Variants in CWH43 observed in about 807,000 individuals in gnomAD.
CWH43 encodes cell wall biogenesis 43 C-terminal homolog.
A neutral mutation model predicts 85.7 loss-of-function variants in CWH43; 91 were observed. The ratio of observed to expected loss-of-function variants is 1.06; its 90% confidence interval spans 0.90 to 1.26. The LOEUF is 1.26. Among genes scored for constraint, CWH43 ranks in the 50% most tolerant of loss-of-function variants. The pLI is 0.00. For synonymous variants in CWH43, 323 were observed against 293.6 expected (o/e 1.10, Z -1.02); for missense variants, 869 against 839.2 (o/e 1.04, Z -0.44).
chr4:48,995,259 T>C (rs914348800), intron 5 of CWH43, among the ~76,000 whole-genome samples: 8 of 152,192 alleles, frequency 5.3e-5, no homozygotes, highest in East Asian at 1.9e-4. Flanking sequence ...AGATCTCTAT[T>C]CTCAGCAAAG....
intron 11 of CWH43, 91 bp downstream of exon 11, chr4:49,031,051 T>C (rs551436875): frequency 8.1e-7 from 1 of 1,231,624 alleles, no homozygotes; most frequent in South Asian, 1.8e-5. Flanking sequence ...GTAATATCTT[T>C]GGTGAATGTG....
intron 13 of CWH43, among the ~76,000 whole-genome samples, chr4:49,039,637 T>A (rs1784393996): frequency 6.6e-6 from 1 of 151,456 alleles, no homozygotes; most frequent in East Asian, 1.9e-4. Flanking sequence ...GGTGTAACAT[T>A]ATTTACAGAG....
intron 11 of CWH43, among the ~76,000 whole-genome samples, chr4:49,031,511 T>TG (rs33939243): frequency 6.6e-6 from 1 of 151,738 alleles, no homozygotes; most frequent in Non-Finnish European, 1.5e-5. Flanking sequence ...GCCTGGAGCA[T>TG]GGGGGGCCAA....
intron 14 of CWH43, 145 bp from the exon 15 acceptor site, chr4:49,050,549 A>C: frequency 1.9e-6 from 1 of 523,412 alleles, no homozygotes; most frequent in East Asian, 3.1e-5. Flanking sequence ...ATTTAGATTA[A>C]CAATTTAAGT....
At chr4:49,004,639 C>G (rs1042782949) in intron 7 of CWH43, among the ~76,000 whole-genome samples, 3 of 152,156 alleles carry the variant, frequency 2.0e-5, no homozygotes, top group African/African-American at 7.2e-5. Context: ...ATCCTCCTGC[C>G]TTGGCTTCCC....
At chr4:49,004,789 G>T (rs1783104062) in intron 7 of CWH43, among the ~76,000 whole-genome samples, 1 of 152,100 alleles carries the variant, frequency 6.6e-6, no homozygotes, top group Non-Finnish European at 1.5e-5. Flanking sequence ...TACCATTTTA[G>T]TGGTTATGAA....
chr4:49,050,147 C>T (rs73246070), intron 14 of CWH43, among the ~76,000 whole-genome samples: 1,529 of 152,218 alleles, frequency 0.01, 10 homozygotes, highest in Middle Eastern at 0.02. Context: ...GTTCATGGTT[C>T]CCCGTGTTTT....
chr4:49,051,470 T>G (rs745532777), intron 15 of CWH43, among the ~76,000 whole-genome samples: 16 of 152,306 alleles, frequency 1.1e-4, no homozygotes, highest in Admixed American at 3.3e-4. Flanking sequence ...ATCTGGGCTG[T>G]GGAATTTAAA....
chr4:48,987,635 T>A (rs1180541112), intron 1 of CWH43, among the ~76,000 whole-genome samples: 1 of 152,218 alleles, frequency 6.6e-6, no homozygotes, highest in East Asian at 1.9e-4. Context: ...GTATAAGGAA[T>A]GAGACAGATG....
At chr4:49,007,602 C>G (rs981414170) in intron 8 of CWH43, among the ~76,000 whole-genome samples, 1 of 152,000 alleles carries the variant, frequency 6.6e-6, no homozygotes, top group Non-Finnish European at 1.5e-5. Flanking sequence ...ATTAGGTATT[C>G]CTCCTAATGC....
At chr4:49,012,991 A>G (rs1301519099) in intron 8 of CWH43, among the ~76,000 whole-genome samples, 1 of 152,200 alleles carries the variant, frequency 6.6e-6, no homozygotes, top group African/African-American at 2.4e-5. Context: ...TCAGAGCTCA[A>G]ATGCCGTGCT....
In CWH43 at chr4:48,993,899, C is replaced by T. The variant is rs1180364544; in HGVS notation, c.512-720C>T. 3.3e-5 allele frequency among the ~76,000 whole-genome samples: 5 copies of T among 151,954 alleles called. No individual in the cohort carries two copies. The East Asian group carries it at 5.8e-4, about 18-fold the overall frequency. On this transcript the variant is annotated intron_variant, in intron 4 of 15. Coordinates refer to ENST00000226432, the MANE Select transcript of CWH43 (RefSeq NM_025087.3). ...CCTCCCGAGTAGCTGGGATTACAGG[C>T]GTCTGCCACCGTGCCCGGCTAACTT... is the stretch of plus-strand genomic sequence containing the variant.
intron 9 of CWH43, among the ~76,000 whole-genome samples, chr4:49,019,890 G>A (rs148486184): frequency 0.011 from 1,649 of 152,072 alleles, 61 homozygotes; most frequent in Admixed American, 0.076. Flanking sequence ...ATTGTCAATT[G>A]TTTTTGGGCA....
chr4:49,007,983 ACCCAGT>A (rs914616351), intron 8 of CWH43, among the ~76,000 whole-genome samples: 5 of 152,200 alleles, frequency 3.3e-5, no homozygotes, highest in African/African-American at 4.8e-5. Context: ...TTGGGTACAT[ACCCAGT>A]AATGGGATGG....
chr4:48,997,934 A>G (rs1268994308), intron 5 of CWH43, among the ~76,000 whole-genome samples: 2 of 152,150 alleles, frequency 1.3e-5, no homozygotes, highest in Admixed American at 6.6e-5. Context: ...AGTTTAGTCA[A>G]ATTTCTTTTT....
intron 8 of CWH43, among the ~76,000 whole-genome samples, chr4:49,014,364 G>T (rs1307852746): frequency 5.3e-5 from 8 of 151,834 alleles, no homozygotes; most frequent in Admixed American, 2.0e-4. Context: ...GGAGGGCGAG[G>T]GTGAAGTGGG....
At chr4:49,017,457 C>T (rs1783589798) in intron 9 of CWH43, 129 bp downstream of exon 9, 1 of 596,394 alleles carries the variant, frequency 1.7e-6, no homozygotes, top group East Asian at 2.9e-5. Context: ...CTCCTTAACC[C>T]TTATGTGCCA....
At chr4:49,045,354 C>T (rs2605236) in intron 14 of CWH43, among the ~76,000 whole-genome samples, 91,769 of 152,046 alleles carry the variant, frequency 0.6, 30,237 homozygotes, top group Middle Eastern at 0.78. Flanking sequence ...GAGTATATCA[C>T]ATACATGCGT....
Position 49,050,799 on chromosome 4 carries a change from A to G in CWH43, c.1971A>G (p.Lys657=). The G allele has an allele frequency of 6.2e-7, 1 of 1,612,506 alleles. No homozygotes were observed. Among genetic ancestry groups the G allele is most frequent in the Non-Finnish European group, 8.5e-7 (1 of 1,178,716 alleles). The change falls in exon 15 of 16, where the codon AAA becomes AAG. Residue 657 remains lysine (K), a synonymous_variant. Transcript: ENST00000226432. ...CCACTAATTATAGAGACAACCAGAA[A>G]GTGGTCATAGACCACAGAGAAGTTT... ...DDPTNYRDNQ[K]VVIDHREVSE... is the part of the protein sequence containing the mutation.
Sources: allele counts gnomAD v4.1 joint callset (sites outside exome capture counted in the v4.1 genomes callset), GRCh38; gene constraint gnomAD v4.1.1; transcripts MANE v1.5; gene names NCBI Gene and HGNC (gene_info 2026-07-23, HGNC 2026-07-21).